The following GLB1 variants were observed in gnomAD, a reference collection of about 807,000 sequenced individuals.
The protein encoded by GLB1 is galactosidase beta 1.
A neutral mutation model predicts 74.0 loss-of-function variants in GLB1; 56 were observed. The ratio of observed to expected loss-of-function variants is 0.76; its 90% CI spans 0.61 to 0.94. GLB1 has a LOEUF of 0.94. Among genes scored for constraint, GLB1 ranks in the 40% least tolerant of loss-of-function variants. The pLI is 0.00. For synonymous variants in GLB1, 323 were observed against 323.6 expected, an observed-to-expected ratio of 1.00 and a Z score of 0.02; for missense variants, 787 against 845.5, an observed-to-expected ratio of 0.93 and a Z score of 0.86.
At chr3:33,094,096 T>C (rs1295101318) in intron 1 of GLB1, 2 of 1,614,152 alleles carry the variant, frequency 1.2e-6, no homozygotes, top group Non-Finnish European at 1.7e-6. Context: ...AGCTCAAGGC[T>C]CTCTGCCAGA....
chr3:32,991,277 C>T, the GLB1 span, among the ~76,000 whole-genome samples: 1 of 152,208 alleles, frequency 6.6e-6, no homozygotes, highest in Admixed American at 6.5e-5. Flanking sequence ...ATTCACTAAA[C>T]ACAGGCTAAA....
At chr3:33,071,512 G>T (rs1210999064) in intron 2 of GLB1, among the ~76,000 whole-genome samples, 2 of 152,146 alleles carry the variant, frequency 1.3e-5, no homozygotes. Context: ...TACAATTACC[G>T]CAGCAGAACC....
chr3:32,994,581 G>C (rs1453592596), downstream of GLB1, among the ~76,000 whole-genome samples: 1 of 152,148 alleles, frequency 6.6e-6, no homozygotes, highest in Non-Finnish European at 1.5e-5. Flanking sequence ...GAGTTGGATG[G>C]GTTGAGGGGA....
chr3:32,971,697 A>G, the GLB1 span, among the ~76,000 whole-genome samples: 1 of 152,374 alleles, frequency 6.6e-6, no homozygotes, highest in South Asian at 2.1e-4. Flanking sequence ...GCCTAGGGCA[A>G]CAGTATTATG....
the GLB1 span, among the ~76,000 whole-genome samples, chr3:32,986,745 C>G: frequency 6.6e-6 from 1 of 152,084 alleles, no homozygotes; most frequent in Admixed American, 6.6e-5. Flanking sequence ...TGTGTGCCAC[C>G]ACACCCAGCT....
rs1296832676 is a variant in GLB1 at position 33,047,879 on chromosome 3, C to A, written c.956-1647G>T. ...TCCCCCATTTCTTATTAATCAGAGA[C>A]AACTCACAGCCAACAGGTCTGCCTG... On this transcript the variant is annotated intron_variant, in intron 9 of 15. Coordinates refer to ENST00000307363, the MANE Select transcript of GLB1 (RefSeq NM_000404.4). 2.0e-5 allele frequency among the ~76,000 whole-genome samples: 3 copies of A among 152,084 alleles called. No homozygotes were observed. The East Asian group carries it at 5.8e-4, about 29-fold the overall frequency.
At chr3:33,071,058 C>T (rs1699870837) in intron 2 of GLB1, among the ~76,000 whole-genome samples, 2 of 152,296 alleles carry the variant, frequency 1.3e-5, no homozygotes, top group Admixed American at 6.5e-5. Context: ...ACAAAACCTT[C>T]TACCAGCTCC....
At chr3:32,971,198 G>A in the GLB1 span, among the ~76,000 whole-genome samples, 1 of 152,220 alleles carries the variant, frequency 6.6e-6, no homozygotes, top group African/African-American at 2.4e-5. Flanking sequence ...ACAAGGACAT[G>A]CAATCCTTTA....
At chr3:32,966,795 T>C in the GLB1 span, among the ~76,000 whole-genome samples, 11 of 152,302 alleles carry the variant, frequency 7.2e-5, no homozygotes, top group Middle Eastern at 3.4e-3. Context: ...GTTCTCATGA[T>C]AGTGAATAAG....
At chr3:33,027,825 A>G (rs80167648) in intron 10 of GLB1, among the ~76,000 whole-genome samples, 9,430 of 152,180 alleles carry the variant, frequency 0.062, 469 homozygotes, top group East Asian at 0.23. Flanking sequence ...GAGGAGGACA[A>G]AAGACTGTTA....
At chr3:32,979,920 AAATT>A in the GLB1 span, among the ~76,000 whole-genome samples, 4 of 152,036 alleles carry the variant, frequency 2.6e-5, no homozygotes, top group African/African-American at 7.2e-5. Context: ...TCTCTGAAAA[AAATT>A]AATTAAAAAT....
At chr3:33,030,857 T>C (rs1309533808) in intron 10 of GLB1, 16 of 981,498 alleles carry the variant, frequency 1.6e-5, no homozygotes, top group Non-Finnish European at 1.9e-5. Flanking sequence ...CTTAAGTTGA[T>C]TTGACAGCAT....
At chr3:33,049,429 AT>A (rs1163796037) in intron 9 of GLB1, among the ~76,000 whole-genome samples, 4 of 151,968 alleles carry the variant, frequency 2.6e-5, no homozygotes, top group Non-Finnish European at 5.9e-5. Context: ...ATTTTATTTT[AT>A]TTTTGAGACA....
At chr3:33,012,506 T>A (rs1697070449) in intron 15 of GLB1, among the ~76,000 whole-genome samples, 1 of 152,202 alleles carries the variant, frequency 6.6e-6, no homozygotes, top group African/African-American at 2.4e-5. Context: ...AAGTAGACTC[T>A]CACCAGACAG....
intron 10 of GLB1, among the ~76,000 whole-genome samples, chr3:33,036,447 A>T (rs1193175833): frequency 6.6e-6 from 1 of 152,192 alleles, no homozygotes; most frequent in Non-Finnish European, 1.5e-5. Context: ...TTTTTTCCAC[A>T]TTAGGAAAGT....
rs1411343530 is a variant in GLB1, at chr3:33,093,043, T to G, written c.75+3968A>C. Reference sequence around the variant, plus strand: ...TGTGTGTGCCCAGAAAGGATCAGGTTAATATCTGGCCGAGCCTGGAGAGCT... The same window carrying G: ...TGTGTGTGCCCAGAAAGGATCAGGTGAATATCTGGCCGAGCCTGGAGAGCT... On this transcript the variant is annotated intron_variant, in intron 1 of 15. Transcript: ENST00000307363. The surrounding 1 kb of genome is among the most constrained non-coding windows in gnomAD (Gnocchi z 6.0). 6.2e-7 allele frequency: 1 copy of G among 1,614,214 alleles called. No individual in the cohort carries two copies. Among genetic ancestry groups the G allele is most frequent in the Non-Finnish European group, 8.5e-7 (1 of 1,180,020 alleles).
the GLB1 span, among the ~76,000 whole-genome samples, chr3:32,968,572 T>C: frequency 6.6e-6 from 1 of 152,198 alleles, no homozygotes; most frequent in South Asian, 2.1e-4. Context: ...CCACCTGGTG[T>C]CAAATAAGAG....
In GLB1 at chr3:32,996,726, C is replaced by T. The variant is rs139730198; in HGVS notation, c.*319G>A. On this transcript the variant is annotated 3_prime_UTR_variant, in exon 16 of 16. Coordinates refer to ENST00000307363, the MANE Select transcript of GLB1 (RefSeq NM_000404.4). ...ACCTGCACATTAAAAACAGTGACAT[C>T]ATCATTTGAGTACAAATTTTATTTA... The T allele has an allele frequency of 8.4e-3, 3,152 of 375,242 alleles. 25 individuals carry two copies. Among genetic ancestry groups the T allele is most frequent in the Non-Finnish European group, 0.011 (2,199 of 197,504 alleles). The allele number at this position is 375,242 out of a possible 1,614,324, so 23.2% of individuals were successfully genotyped here. A position where few individuals can be genotyped will look rare whatever the true frequency, so the allele number is the denominator to read the frequency against.
chr3:33,081,414 G>A (rs1234566998), intron 1 of GLB1, among the ~76,000 whole-genome samples: 1 of 152,174 alleles, frequency 6.6e-6, no homozygotes, highest in Non-Finnish European at 1.5e-5. Flanking sequence ...TGGTCTACAG[G>A]AAATGAGGTG....
Sources: allele counts gnomAD v4.1 joint callset (sites outside exome capture counted in the v4.1 genomes callset), GRCh38; gene constraint gnomAD v4.1.1; non-coding constraint Gnocchi (gnomAD v3.1); transcripts MANE v1.5; gene names NCBI Gene and HGNC (gene_info 2026-07-23, HGNC 2026-07-21).